Variants in REC114 observed in about 807,000 individuals in gnomAD.
REC114 encodes the protein REC114 meiotic recombination protein, also known as meiotic recombination protein REC114.
Under a neutral mutation model 31.3 loss-of-function variants are expected in REC114, and 27 were observed. The ratio of observed to expected loss-of-function variants is 0.86; its 90% CI spans 0.64 to 1.19. The LOEUF is 1.19. Among genes scored for constraint, REC114 ranks in the 50% most tolerant of loss-of-function variants. The pLI is 0.00. For synonymous variants in REC114, 134 were observed against 127.7 expected (o/e 1.05, Z -0.33); for missense variants, 344 against 326.9 (o/e 1.05, Z -0.40).
At chr15:73,464,171 T>C (rs767873708) in intron 1 of REC114, among the ~76,000 whole-genome samples, 1 of 151,974 alleles carries the variant, frequency 6.6e-6, no homozygotes. Flanking sequence ...TTTCTCCTAG[T>C]TTTGCTCTAT....
chr15:73,557,128 G>A (rs904598096), intron 5 of REC114, among the ~76,000 whole-genome samples: 4 of 151,250 alleles, frequency 2.6e-5, no homozygotes, highest in Admixed American at 2.6e-4. Flanking sequence ...GGAGTGCAGT[G>A]GTGCGATCTT....
chr15:73,486,468 C>T (rs954058111), intron 2 of REC114, among the ~76,000 whole-genome samples: 8 of 152,178 alleles, frequency 5.3e-5, no homozygotes, highest in Non-Finnish European at 7.3e-5. Context: ...CAGGGAATAA[C>T]GCCTTAAGCT....
At chr15:73,449,778 C>T (rs1281211506) in intron 1 of REC114, among the ~76,000 whole-genome samples, 2 of 152,178 alleles carry the variant, frequency 1.3e-5, no homozygotes, top group African/African-American at 4.8e-5. Context: ...AAGTGAAGCC[C>T]ATCAGACTAA....
At position 73,443,264 on chromosome 15, in the gene REC114, G is replaced by GC. The variant is rs1567841446; in HGVS notation, c.82dup (p.Arg28ProfsTer29). 2 of 1,575,088 alleles carry GC rather than the reference G, an allele frequency of 1.3e-6. No homozygotes were observed. The highest frequency in any genetic ancestry group is 2.3e-5 in the South Asian group (2 of 85,606). On this transcript the variant is annotated frameshift_variant, in exon 1 of 6. Coordinates refer to ENST00000331090, the MANE Select transcript of REC114 (RefSeq NM_001042367.2). LOFTEE classifies it high-confidence loss of function. The stretch of plus-strand genomic sequence containing the variant: ...GGCAGAGTGGCCTCTGCAGCGGTAC[G>GC]CCCGCTGCATACCCTCAAACACCAG...
intron 4 of REC114, among the ~76,000 whole-genome samples, 158 bp from the exon 5 acceptor site, chr15:73,556,144 C>T (rs571229292): frequency 4.6e-5 from 7 of 152,322 alleles, no homozygotes; most frequent in South Asian, 2.1e-4. Flanking sequence ...AGTAACCCTC[C>T]GTTTAAACCA....
Position 73,559,858 on chromosome 15 carries a change from C to G in REC114, c.743C>G (p.Pro248Arg). 1 of 1,612,862 alleles carries G rather than the reference C, an allele frequency of 6.2e-7. No homozygotes were observed. Among genetic ancestry groups the G allele is most frequent in the Admixed American group, 1.7e-5 (1 of 59,778 alleles). The change falls in exon 6 of 6, where the codon CCA becomes CGA. Residue 248 changes from proline (P) to arginine (R), a missense_variant. Coordinates refer to ENST00000331090, the MANE Select transcript of REC114 (RefSeq NM_001042367.2). ...TTGTGCCTTATGGATCAGAATTTCC[C>G]AGCATTTGTGGAAGAGGTAGAAAAG... is the stretch of plus-strand genomic sequence containing the variant. ...LRLCLMDQNF[P>R]AFVEEVEKEL...
chr15:73,514,818 A>G (rs1253795633), intron 2 of REC114, among the ~76,000 whole-genome samples: 1 of 152,200 alleles, frequency 6.6e-6, no homozygotes, highest in Admixed American at 6.5e-5. Context: ...CTTTAAAAGG[A>G]GAAAACAGGA....
chr15:73,527,970 C>T (rs1343532520), intron 2 of REC114, among the ~76,000 whole-genome samples: 1 of 152,114 alleles, frequency 6.6e-6, no homozygotes, highest in Non-Finnish European at 1.5e-5. Flanking sequence ...AAAAGGTCCT[C>T]ATAGCTAAAG....
In REC114 at chr15:73,529,215, G is replaced by A. The variant is rs560227805; in HGVS notation, c.250-11270G>A. 8.6e-5 allele frequency among the ~76,000 whole-genome samples: 13 copies of A among 151,522 alleles called. No homozygotes were observed. The South Asian group carries it at 2.7e-3, about 32-fold the overall frequency. ...TGCAGTGGCGTGTTCTCAGCTCACT[G>A]CAAGCTCTGCCTGCCAGGTTCACGC... On this transcript the variant is annotated intron_variant, in intron 2 of 5. Transcript: ENST00000331090.
At chr15:73,551,575 T>A (rs1023485185) in intron 4 of REC114, among the ~76,000 whole-genome samples, 1 of 152,190 alleles carries the variant, frequency 6.6e-6, no homozygotes, top group Non-Finnish European at 1.5e-5. Flanking sequence ...ACTGTACTAA[T>A]AGTCATCATG....
At chr15:73,455,689 G>A (rs1488285576) in intron 1 of REC114, among the ~76,000 whole-genome samples, 1 of 152,124 alleles carries the variant, frequency 6.6e-6, no homozygotes, top group Non-Finnish European at 1.5e-5. Context: ...AATTAATCTT[G>A]TTAAAAGACA....
intron 4 of REC114, among the ~76,000 whole-genome samples, chr15:73,553,106 C>T (rs1174299044): frequency 6.6e-6 from 1 of 152,186 alleles, no homozygotes; most frequent in Non-Finnish European, 1.5e-5. Context: ...TGAGCCACCG[C>T]ACCCAGCTGT....
intron 3 of REC114, among the ~76,000 whole-genome samples, chr15:73,547,829 G>A (rs1375407559): frequency 6.6e-6 from 1 of 152,150 alleles, no homozygotes; most frequent in East Asian, 1.9e-4. Flanking sequence ...AATGCTGGAA[G>A]ACAACCTAGG....
chr15:73,517,511 T>TA (rs1462003118), intron 2 of REC114, among the ~76,000 whole-genome samples: 1 of 152,144 alleles, frequency 6.6e-6, no homozygotes, highest in Non-Finnish European at 1.5e-5. Flanking sequence ...AGTGGTGTTT[T>TA]AGAAGTGAGG....
chr15:73,554,334 C>G (rs560969476), intron 4 of REC114, among the ~76,000 whole-genome samples: 1 of 152,136 alleles, frequency 6.6e-6, no homozygotes, highest in African/African-American at 2.4e-5. Flanking sequence ...TCTCAGAATC[C>G]GTCTTAAGCG....
intron 2 of REC114, among the ~76,000 whole-genome samples, chr15:73,482,854 A>G (rs1893314372): frequency 6.6e-6 from 1 of 152,084 alleles, no homozygotes; most frequent in South Asian, 2.1e-4. Flanking sequence ...ATATGTACTC[A>G]TAAGTAGAAT....
intron 2 of REC114, among the ~76,000 whole-genome samples, chr15:73,475,354 ATG>A (rs1335736749): frequency 6.6e-6 from 1 of 152,196 alleles, no homozygotes; most frequent in Non-Finnish European, 1.5e-5. Flanking sequence ...ATATACAGTC[ATG>A]TGTCTCATCA....
intron 2 of REC114, among the ~76,000 whole-genome samples, chr15:73,493,995 C>T (rs2141304369): frequency 6.6e-6 from 1 of 152,236 alleles, no homozygotes; most frequent in East Asian, 1.9e-4. Context: ...GCTCTTGCTC[C>T]TCTTGGTAAT....
chr15:73,504,154 G>A (rs961440180), intron 2 of REC114, among the ~76,000 whole-genome samples: 3 of 151,418 alleles, frequency 2.0e-5, no homozygotes, highest in Non-Finnish European at 4.4e-5. Flanking sequence ...CTACAGGCAC[G>A]CACCACCATG....
Sources: allele counts gnomAD v4.1 joint callset (sites outside exome capture counted in the v4.1 genomes callset), GRCh38; gene constraint gnomAD v4.1.1; transcripts MANE v1.5; gene names NCBI Gene and HGNC (gene_info 2026-07-23, HGNC 2026-07-21).